Variants in PATJ observed in about 807,000 individuals in gnomAD.
PATJ encodes inaD-like protein.
PATJ carries 190 observed loss-of-function variants against 224.9 expected under a neutral mutation model. The ratio of observed to expected loss-of-function variants is 0.84; its 90% confidence interval spans 0.75 to 0.95. The LOEUF (loss-of-function observed/expected upper bound fraction) is 0.95, where lower values mean the gene tolerates loss of function less well. Ranked by LOEUF, PATJ falls within the 40% of genes least tolerant of loss-of-function variation. The pLI, the probability that PATJ is intolerant of heterozygous loss-of-function variation, is 0.00. For synonymous variants in PATJ, 769 were observed against 820.3 expected (o/e 0.94, Z 1.07); for missense variants, 2,121 against 2,270.3 (o/e 0.93, Z 1.34).
At chr1:62,077,891 A>G (rs1658591533) in intron 31 of PATJ, among the ~76,000 whole-genome samples, 2 of 152,164 alleles carry the variant, frequency 1.3e-5, no homozygotes, top group Non-Finnish European at 2.9e-5. Context: ...TTTTCTGCAA[A>G]AAGAAAAAAA....
chr1:61,806,894 G>A (rs1487361240), intron 13 of PATJ, among the ~76,000 whole-genome samples: 1 of 152,064 alleles, frequency 6.6e-6, no homozygotes, highest in African/African-American at 2.4e-5. Flanking sequence ...GCTCACACCT[G>A]TAATCCCAGC....
intron 33 of PATJ, among the ~76,000 whole-genome samples, chr1:62,092,429 TATTCTTAATGATAAA>T (rs911424863): frequency 1.3e-5 from 2 of 151,946 alleles, no homozygotes; most frequent in African/African-American, 2.4e-5. Flanking sequence ...TAGATTTAGA[TATTCTTAATGATAAA>T]AAGTCCTGCG....
At chr1:62,065,673 G>A (rs987911211) in intron 31 of PATJ, among the ~76,000 whole-genome samples, 1 of 152,148 alleles carries the variant, frequency 6.6e-6, no homozygotes, top group Non-Finnish European at 1.5e-5. Flanking sequence ...CACTGTAACT[G>A]GTCCAATGTG....
intron 6 of PATJ, 139 bp from the exon 7 acceptor site, chr1:61,775,067 C>T (rs1003417283): frequency 2.7e-5 from 22 of 809,344 alleles, no homozygotes; most frequent in Non-Finnish European, 3.9e-5. Flanking sequence ...TATATCTTAG[C>T]CTGTAGAACA....
intron 24 of PATJ, among the ~76,000 whole-genome samples, chr1:61,906,039 A>G (rs1238002775): frequency 6.6e-6 from 1 of 152,202 alleles, no homozygotes; most frequent in African/African-American, 2.4e-5. Flanking sequence ...GTTGTCACCT[A>G]TACTTCTGAC....
At chr1:62,091,364 A>G (rs116178769) in intron 33 of PATJ, among the ~76,000 whole-genome samples, 2,281 of 152,336 alleles carry the variant, frequency 0.015, 22 homozygotes, top group Non-Finnish European at 0.024. Flanking sequence ...TCTAAGTTAA[A>G]TCTGCTTCTT....
chr1:61,993,550 C>T (rs1006257743), intron 28 of PATJ, among the ~76,000 whole-genome samples: 6 of 152,072 alleles, frequency 3.9e-5, no homozygotes, highest in Admixed American at 3.9e-4. Context: ...AAGAACCCAC[C>T]AAGAGTTGCC....
chr1:61,771,366 T>C (rs1042448133), intron 5 of PATJ, 65 bp from the exon 6 acceptor site: 1 of 1,031,002 alleles, frequency 9.7e-7, no homozygotes, highest in African/African-American at 1.7e-5. Flanking sequence ...CTGCTTAACT[T>C]TAATAGATTT....
Position 61,870,916 on chromosome 1 carries a change from G to A in PATJ, c.2836-4327G>A, listed in dbSNP as rs111803626. On this transcript the variant is annotated intron_variant, in intron 20 of 43. Transcript: ENST00000642238. The stretch of plus-strand genomic sequence containing the variant: ...TTGTTGGCTTTTTGTTTGCTTCTTA[G>A]GAGTATAAAGTGCTATCTTATGTTT... 6.7e-3 allele frequency among the ~76,000 whole-genome samples: 1,024 copies of A among 152,134 alleles called. 14 individuals are homozygous for A. Among genetic ancestry groups the A allele is most frequent in the African/African-American group, 0.024 (981 of 41,530 alleles).
chr1:62,037,574 C>T (rs966866083), intron 29 of PATJ, among the ~76,000 whole-genome samples: 2 of 152,174 alleles, frequency 1.3e-5, no homozygotes, highest in Non-Finnish European at 2.9e-5. Context: ...GGATCCTTTC[C>T]AGTTCAAAGA....
rs2499819 is a variant in PATJ, at chr1:61,928,590, A to T, written c.3670+761A>T. Among the ~76,000 whole-genome samples, 676 of 152,266 alleles carry T rather than the reference A, an allele frequency of 4.4e-3. 3 individuals carry two copies. The highest frequency in any genetic ancestry group is 0.016 in the African/African-American group (646 of 41,562). On this transcript the variant is annotated intron_variant, in intron 27 of 43. Coordinates refer to ENST00000642238, the MANE Select transcript of PATJ (RefSeq NM_001350145.3). ...GAAATTGAGTCAAAATTCTTACTCT[A>T]GCAGTTCCTAGAGTGTGACCTTAAA...
At chr1:62,036,890 A>AAAAAAAAAAAAAAAAAAAAAT in intron 29 of PATJ, among the ~76,000 whole-genome samples, 1 of 150,156 alleles carries the variant, frequency 6.7e-6, no homozygotes, top group Non-Finnish European at 1.5e-5. Context: ...AAGAAGGAAG[A>AAAAAAAAAAAAAAAAAAAAAT]AAGGAAGGAA....
chr1:62,149,735 G>A (rs1355862410), intron 42 of PATJ, among the ~76,000 whole-genome samples: 1 of 151,748 alleles, frequency 6.6e-6, no homozygotes, highest in African/African-American at 2.4e-5. Context: ...CATGCCTCTG[G>A]CAGGCTGGGA....
rs146293601 is a variant in PATJ, at chr1:61,880,619, A to C, written c.2960-3618A>C. Among the ~76,000 whole-genome samples the C allele has an allele frequency of 3.9e-4, 59 of 152,344 alleles. 3 individuals carry two copies. In the East Asian group the frequency reaches 0.01, roughly 26 times the overall value. On this transcript the variant is annotated intron_variant, in intron 21 of 43. Coordinates refer to ENST00000642238, the MANE Select transcript of PATJ (RefSeq NM_001350145.3). Reference sequence around the variant, plus strand: ...AATAGATGTCCACAATCTTGATAAGAGCATACACTTGATTTCTTATCATTT... The same window carrying C: ...AATAGATGTCCACAATCTTGATAAGCGCATACACTTGATTTCTTATCATTT...
intron 17 of PATJ, among the ~76,000 whole-genome samples, chr1:61,841,582 G>GT (rs935065486): frequency 4.7e-4 from 60 of 126,770 alleles, no homozygotes; most frequent in African/African-American, 1.2e-3. Flanking sequence ...TGACATCTAG[G>GT]TTTTTTTTTT....
intron 29 of PATJ, among the ~76,000 whole-genome samples, chr1:62,032,196 A>G (rs910129114): frequency 6.6e-5 from 10 of 151,842 alleles, no homozygotes; most frequent in South Asian, 4.2e-4. Context: ...CTTATTCTCT[A>G]TTTTCTTGCT....
Position 61,769,284 on chromosome 1 carries a change from G to T in PATJ, c.386G>T (p.Gly129Val), listed in dbSNP as rs1473145476. The T allele has an allele frequency of 6.2e-7, 1 of 1,602,062 alleles. No individual in the cohort carries two copies. Among genetic ancestry groups the T allele is most frequent in the Non-Finnish European group, 8.5e-7 (1 of 1,176,136 alleles). Reference sequence around the variant, plus strand: ...TTTTTTTTAACGCTCCTTCATTAGGGCCGGCAAATTGAATATATAGATATA... The same window carrying T: ...TTTTTTTTAACGCTCCTTCATTAGGTCCGGCAAATTGAATATATAGATATA... The part of the protein sequence containing the change: ...FNSVIQQMAQ[G>V]RQIEYIDIER... The change falls in exon 5 of 44, where the codon GGC (glycine) becomes GTC (valine). Residue 129 changes from glycine to valine, a missense_variant and splice_region_variant. Transcript: ENST00000642238.
In PATJ at chr1:61,914,668, A is replaced by G. The variant is rs768499996; in HGVS notation, c.3570+4A>G. Reference sequence around the variant, plus strand: ...CACCCAAGAAAAGAAAGAAAAGGTAACTTGAACCTCTCAAGGATTTAAAAA... The same window carrying G: ...CACCCAAGAAAAGAAAGAAAAGGTAGCTTGAACCTCTCAAGGATTTAAAAA... On this transcript the variant is annotated splice_donor_region_variant and intron_variant, in intron 26 of 43. Transcript: ENST00000642238. The G allele has an allele frequency of 6.5e-7, 1 of 1,534,418 alleles. No homozygotes were observed. The highest frequency in any genetic ancestry group is 9.0e-7 in the Non-Finnish European group (1 of 1,111,984).
intron 26 of PATJ, among the ~76,000 whole-genome samples, chr1:61,917,514 A>G (rs1346380922): frequency 6.6e-6 from 1 of 152,160 alleles, no homozygotes; most frequent in Non-Finnish European, 1.5e-5. Flanking sequence ...TAATGTAGTA[A>G]ATTATATTAA....
Sources: gnomAD v4.1 joint callset for allele counts (sites outside exome capture counted in the v4.1 genomes callset) on GRCh38, gnomAD v4.1.1 for gene constraint, MANE v1.5 for transcripts, NCBI Gene and HGNC (gene_info 2026-07-23, HGNC 2026-07-21) for gene names.